ABTB3: variants seen among roughly 807,000 people sequenced by gnomAD.
ABTB3 encodes the protein ankyrin repeat and BTB domain containing 3, also known as ankyrin repeat- and BTB/POZ domain-containing protein 3.
At chr12:107,477,468 T>A in the ABTB3 span, among the ~76,000 whole-genome samples, 1 of 152,190 alleles carries the variant, frequency 6.6e-6, no homozygotes, top group Non-Finnish European at 1.5e-5. Context: ...TCAGTATTGA[T>A]GGGCCTTTGG....
the ABTB3 span, among the ~76,000 whole-genome samples, chr12:107,539,685 G>A: frequency 6.6e-6 from 1 of 152,198 alleles, no homozygotes; most frequent in Admixed American, 6.5e-5. Flanking sequence ...GGAAGAGCAG[G>A]CAGCCCATGA....
the ABTB3 span, among the ~76,000 whole-genome samples, chr12:107,540,777 A>G: frequency 6.6e-6 from 1 of 152,136 alleles, no homozygotes; most frequent in Non-Finnish European, 1.5e-5. Context: ...TGAGGCCAGA[A>G]GTTCGAGACC....
the ABTB3 span, among the ~76,000 whole-genome samples, chr12:107,446,932 A>C: frequency 6.6e-6 from 1 of 152,178 alleles, no homozygotes; most frequent in African/African-American, 2.4e-5. Context: ...TCCAGATAAG[A>C]ATGTTATAAT....
chr12:107,512,595 C>T, the ABTB3 span, among the ~76,000 whole-genome samples: 1 of 152,162 alleles, frequency 6.6e-6, no homozygotes, highest in African/African-American at 2.4e-5. Context: ...TGACCATGTT[C>T]CCTAGTTGTG....
At chr12:107,467,100 C>T in the ABTB3 span, among the ~76,000 whole-genome samples, 3 of 152,064 alleles carry the variant, frequency 2.0e-5, no homozygotes, top group Admixed American at 6.5e-5. Context: ...CCAGCCAACA[C>T]GTGGTGAAAC....
the ABTB3 span, among the ~76,000 whole-genome samples, chr12:107,473,137 C>G: frequency 3.3e-5 from 5 of 152,138 alleles, no homozygotes; most frequent in African/African-American, 9.7e-5. Flanking sequence ...GTGAACTTCT[C>G]TGGGGCAAGA....
the ABTB3 span, among the ~76,000 whole-genome samples, chr12:107,362,301 G>A: frequency 2.6e-5 from 4 of 152,352 alleles, no homozygotes; most frequent in Admixed American, 6.5e-5. Context: ...CCTGCTAGTA[G>A]CTGGCTCCCA....
At chr12:107,528,641 G>T in the ABTB3 span, among the ~76,000 whole-genome samples, 1 of 152,190 alleles carries the variant, frequency 6.6e-6, no homozygotes, top group Non-Finnish European at 1.5e-5. Context: ...ATAGAGCAGG[G>T]TTTGAAAGGA....
the ABTB3 span, among the ~76,000 whole-genome samples, chr12:107,556,242 G>A: frequency 1.3e-5 from 2 of 151,970 alleles, no homozygotes; most frequent in Admixed American, 1.3e-4. Flanking sequence ...TTACAGGCAT[G>A]CACCACCACA....
At chr12:107,469,942 C>CTCTT in the ABTB3 span, among the ~76,000 whole-genome samples, 2,107 of 59,264 alleles carry the variant, frequency 0.036, 187 homozygotes, top group Middle Eastern at 0.086. Flanking sequence ...CTCTTTCTTT[C>CTCTT]TCTTTCTTTC....
chr12:107,349,157 C>T, the ABTB3 span, among the ~76,000 whole-genome samples: 1 of 152,194 alleles, frequency 6.6e-6, no homozygotes, highest in African/African-American at 2.4e-5. Context: ...ATGCCTTGAG[C>T]TCTGGAGAGG....
the ABTB3 span, among the ~76,000 whole-genome samples, chr12:107,367,204 G>A: frequency 5.3e-5 from 8 of 152,278 alleles, no homozygotes; most frequent in East Asian, 3.9e-4. Flanking sequence ...ATGGGTATGA[G>A]CCTATACCTT....
At chr12:107,557,392 C>A in the ABTB3 span, among the ~76,000 whole-genome samples, 23 of 152,268 alleles carry the variant, frequency 1.5e-4, no homozygotes, top group East Asian at 5.8e-4. Flanking sequence ...TCTTATGGGA[C>A]CACCATCATA....
At chr12:107,544,004 C>G in the ABTB3 span, 9 of 1,613,998 alleles carry the variant, frequency 5.6e-6, no homozygotes, top group East Asian at 1.6e-4. Flanking sequence ...AATGGCACCC[C>G]CCTGCACCAC....
At chr12:107,354,122 C>T in the ABTB3 span, among the ~76,000 whole-genome samples, 14 of 152,150 alleles carry the variant, frequency 9.2e-5, no homozygotes, top group African/African-American at 3.4e-4. Flanking sequence ...AGTTCCACAA[C>T]CTTCCCCCAA....
chr12:107,472,399 A>G, the ABTB3 span, among the ~76,000 whole-genome samples: 1 of 152,190 alleles, frequency 6.6e-6, no homozygotes, highest in African/African-American at 2.4e-5. Flanking sequence ...AGCCAGGATA[A>G]GACAAAGCTC....
chr12:107,440,579 G>A, the ABTB3 span, among the ~76,000 whole-genome samples: 2 of 152,096 alleles, frequency 1.3e-5, no homozygotes, highest in African/African-American at 2.4e-5. Flanking sequence ...TTGTTCACGC[G>A]TTTTGATGCA....
At chr12:107,483,291 C>T in the ABTB3 span, among the ~76,000 whole-genome samples, 115 of 152,258 alleles carry the variant, frequency 7.6e-4, 1 homozygote, top group African/African-American at 2.6e-3. Flanking sequence ...GATCTGCTTG[C>T]CTCAGCCTCC....
chr12:107,414,466 G>C, the ABTB3 span, among the ~76,000 whole-genome samples: 4 of 151,974 alleles, frequency 2.6e-5, no homozygotes, highest in Non-Finnish European at 5.9e-5. Flanking sequence ...ACCCGAGCAT[G>C]CACCCTCATG....
Sources: gnomAD v4.1 joint callset for allele counts (sites outside exome capture counted in the v4.1 genomes callset) on GRCh38, gnomAD v4.1.1 for gene constraint, MANE v1.5 for transcripts, NCBI Gene and HGNC (gene_info 2026-07-23, HGNC 2026-07-21) for gene names.